LRRC7: variants seen among roughly 807,000 people sequenced by gnomAD.
LRRC7 encodes leucine rich repeat containing 7, also known as leucine-rich repeat-containing protein 7.
LRRC7 carries 23 observed loss-of-function variants against 175.7 expected under a neutral mutation model. The observed-to-expected ratio is 0.13, with a 90% confidence interval of 0.09 to 0.19. LRRC7 has a LOEUF of 0.19. Ranked by LOEUF, LRRC7 falls within the 10% of genes least tolerant of loss-of-function variation. The probability of loss-of-function intolerance (pLI) is 1.00; values close to 1 mark genes in which losing one functional copy is unlikely to be tolerated. For synonymous variants in LRRC7, 685 were observed against 680.9 expected, an observed-to-expected ratio of 1.01 and a Z score of -0.09; for missense variants, 1,354 against 1,904.7, an observed-to-expected ratio of 0.71 and a Z score of 5.38.
rs140872017 is a variant in LRRC7 at position 69,901,767 on chromosome 1, T to C, written c.648-29740T>C. Among the ~76,000 whole-genome samples the C allele has an allele frequency of 1.5e-3, 229 of 152,338 alleles. 1 individual carries two copies. Among genetic ancestry groups the C allele is most frequent in the African/African-American group, 5.2e-3 (218 of 41,592 alleles). ...TTTCTAAAACATGCAAAATACTTTT[T>C]ACACTTAACTGAATGCTGATGCTAG... On this transcript the variant is annotated intron_variant, in intron 7 of 26. Coordinates refer to ENST00000651989, the MANE Select transcript of LRRC7 (RefSeq NM_001370785.2).
rs545297019 is a variant in LRRC7, at chr1:70,005,986, CT to C, written c.1005-5801del. On this transcript the variant is annotated intron_variant, in intron 11 of 26. Coordinates refer to ENST00000651989, the MANE Select transcript of LRRC7 (RefSeq NM_001370785.2). ...TGAAAAAATAAAGGTAACCTTTGGT[CT>C]TTTTTTTTTCACTTCATTACAAATG... Among the ~76,000 whole-genome samples, 1,013 of 148,132 alleles carry C rather than the reference CT, an allele frequency of 6.8e-3. 9 individuals carry two copies. The highest frequency in any genetic ancestry group is 0.023 in the African/African-American group (914 of 40,498).
At chr1:70,030,993 A>C (rs2102003212) in intron 18 of LRRC7, 1 of 152,294 alleles carries the variant, frequency 6.6e-6, no homozygotes, top group East Asian at 1.9e-4. Flanking sequence ...TATGGCTAGC[A>C]CTTCCTCATC....
intron 2 of LRRC7, among the ~76,000 whole-genome samples, chr1:69,695,232 A>G (rs1306706584): frequency 6.6e-6 from 1 of 152,210 alleles, no homozygotes; most frequent in African/African-American, 2.4e-5. Context: ...AAAGAACTTG[A>G]CTGCATTGTG....
intron 2 of LRRC7, among the ~76,000 whole-genome samples, chr1:69,730,115 A>AG (rs996366260): frequency 6.6e-6 from 1 of 152,200 alleles, no homozygotes; most frequent in Non-Finnish European, 1.5e-5. Flanking sequence ...TGCACACAGC[A>AG]GGGGGCCCTT....
At chr1:69,917,007 C>T (rs1646740585) in intron 7 of LRRC7, among the ~76,000 whole-genome samples, 1 of 152,034 alleles carries the variant, frequency 6.6e-6, no homozygotes, top group African/African-American at 2.4e-5. Context: ...ACATTACAGG[C>T]AGGAGCAACA....
Position 70,141,977 on chromosome 1 carries a change from T to G in LRRC7, c.*20090T>G, listed in dbSNP as rs771546225. 3.3e-5 allele frequency: 5 copies of G among 152,072 alleles called. No individual in the cohort carries two copies. The highest frequency in any genetic ancestry group is 6.6e-5 in the Admixed American group (1 of 15,250). The allele number at this position is 152,072 out of a possible 1,614,324, so 9.4% of individuals were successfully genotyped here. A position where few individuals can be genotyped will look rare whatever the true frequency, so the allele number is the denominator to read the frequency against. ...ATGGACAAAAGAAATCACATTGTAT[T>G]TCTTTGTATCTCTCCATTCCTCTTA... On this transcript the variant is annotated 3_prime_UTR_variant, in exon 27 of 27. Transcript: ENST00000651989.
chr1:69,598,824 A>G (rs1646940526), intron 1 of LRRC7, among the ~76,000 whole-genome samples: 1 of 152,194 alleles, frequency 6.6e-6, no homozygotes, highest in Non-Finnish European at 1.5e-5. Flanking sequence ...AAAGTCAATA[A>G]TCCAACATTC....
intron 3 of LRRC7, among the ~76,000 whole-genome samples, chr1:69,788,440 A>G (rs1397378743): frequency 1.3e-5 from 2 of 152,172 alleles, no homozygotes; most frequent in Non-Finnish European, 2.9e-5. Flanking sequence ...TTCTTTTCAT[A>G]CCTTTATCTT....
rs1667003274 is a variant in LRRC7, at chr1:70,139,980, G to C, written c.*18093G>C. ...TTCCTTAATGAGAAACTTAATTCTA[G>C]GGTACTTACAATAGCTGCCTTATTG... On this transcript the variant is annotated 3_prime_UTR_variant, in exon 27 of 27. Coordinates refer to ENST00000651989, the MANE Select transcript of LRRC7 (RefSeq NM_001370785.2). 6.6e-6 allele frequency: 1 copy of C among 152,100 alleles called. No homozygotes were observed. The highest frequency in any genetic ancestry group is 6.6e-5 in the Admixed American group (1 of 15,262). 9.4% of individuals were successfully genotyped at this position (152,100 alleles called of 1,614,324 possible).
rs186139529 is a variant in LRRC7 at position 70,059,047 on chromosome 1, A to G, written c.4230+5902A>G. ...AGGCTACAGTGACATATTAAAACCA[A>G]TGAAACCAAACACTTCGCTTCTGGA... On this transcript the variant is annotated intron_variant, in intron 23 of 26. Transcript: ENST00000651989. Among the ~76,000 whole-genome samples, 153 of 152,346 alleles carry G rather than the reference A, an allele frequency of 1.0e-3. 4 individuals carry two copies. In the East Asian group the frequency reaches 0.02, roughly 20 times the overall value.
At chr1:69,854,399 A>G (rs968808421) in intron 7 of LRRC7, among the ~76,000 whole-genome samples, 3 of 152,124 alleles carry the variant, frequency 2.0e-5, no homozygotes, top group Admixed American at 2.0e-4. Context: ...GCTACTTGGG[A>G]GGCAGAGGCA....
rs1665686404 is a variant in LRRC7 at position 69,717,846 on chromosome 1, A to G, written c.100+39368A>G. ...AGAAAGAAAGAAAGAAAGAAAAAAG[A>G]AAGAAAGGAAAGAAAGAAAGAAAGA... On this transcript the variant is annotated intron_variant, in intron 2 of 26. Coordinates refer to ENST00000651989, the MANE Select transcript of LRRC7 (RefSeq NM_001370785.2). 1.1e-4 allele frequency among the ~76,000 whole-genome samples: 4 copies of G among 37,414 alleles called. 1 individual carries two copies. The highest frequency in any genetic ancestry group is 2.8e-4 in the African/African-American group (2 of 7,022). 24.5% of individuals were successfully genotyped at this position (37,414 alleles called of 152,430 possible).
At chr1:69,783,950 A>C (rs1213069594) in intron 3 of LRRC7, among the ~76,000 whole-genome samples, 1 of 152,132 alleles carries the variant, frequency 6.6e-6, no homozygotes, top group East Asian at 1.9e-4. Flanking sequence ...GTATATTAGA[A>C]TATTCTTAGC....
chr1:70,043,620 T>G (rs902179351), intron 21 of LRRC7, among the ~76,000 whole-genome samples: 1 of 152,224 alleles, frequency 6.6e-6, no homozygotes, highest in African/African-American at 2.4e-5. Flanking sequence ...AATTTTTAAA[T>G]GAATAGACTA....
chr1:70,107,437 C>A (rs552204634), intron 25 of LRRC7, among the ~76,000 whole-genome samples: 1 of 152,102 alleles, frequency 6.6e-6, no homozygotes, highest in Non-Finnish European at 1.5e-5. Flanking sequence ...AGAATTTATA[C>A]AAAAAATGAT....
chr1:70,047,395 C>T (rs531005074), intron 22 of LRRC7, among the ~76,000 whole-genome samples: 80 of 152,178 alleles, frequency 5.3e-4, no homozygotes, highest in African/African-American at 1.8e-3. Flanking sequence ...TGCTGCTCTC[C>T]GAAGGAAACA....
chr1:69,815,006 T>A (rs1678415087), intron 4 of LRRC7, among the ~76,000 whole-genome samples: 1 of 152,184 alleles, frequency 6.6e-6, no homozygotes. Flanking sequence ...CTGCGTAAAT[T>A]TCCTGTCAAT....
chr1:69,794,766 G>A (rs1398892937), intron 4 of LRRC7, among the ~76,000 whole-genome samples: 1 of 152,142 alleles, frequency 6.6e-6, no homozygotes, highest in Non-Finnish European at 1.5e-5. Context: ...TTGTGAGCAT[G>A]TAAAAGTTTC....
chr1:70,140,946 C>T lies in LRRC7; in HGVS notation c.*19059C>T, dbSNP rs1667038422. Among the ~76,000 whole-genome samples, 1 of 152,108 alleles carries T rather than the reference C, an allele frequency of 6.6e-6. No individual in the cohort carries two copies. Among genetic ancestry groups the T allele is most frequent in the Admixed American group, 6.6e-5 (1 of 15,262 alleles). The stretch of plus-strand genomic sequence containing the variant: ...CTTTCAGTCATTTTTCTATAAACAA[C>T]TTTCCTCAGTTCGCAACTGAGGTGT... On this transcript the variant is annotated 3_prime_UTR_variant, in exon 27 of 27. Transcript: ENST00000651989.
Sources: gnomAD v4.1 joint callset for allele counts (sites outside exome capture counted in the v4.1 genomes callset) on GRCh38, gnomAD v4.1.1 for gene constraint, MANE v1.5 for transcripts, NCBI Gene and HGNC (gene_info 2026-07-23, HGNC 2026-07-21) for gene names.